The following CHCHD3 variants were observed in gnomAD, a reference collection of about 807,000 sequenced individuals.
The protein encoded by CHCHD3 is coiled-coil-helix-coiled-coil-helix domain containing 3, also known as MICOS complex subunit MIC19.
In CHCHD3, 20 loss-of-function variants were observed where a neutral mutation model predicts 38.2. The observed-to-expected ratio is 0.52, with a 90% CI of 0.37 to 0.76. CHCHD3 has a LOEUF of 0.76. CHCHD3 is among the 30% of genes least tolerant of loss of function. CHCHD3 has a pLI of 0.00. For synonymous variants in CHCHD3, 82 were observed against 100.0 expected (o/e 0.82, Z 1.07); for missense variants, 245 against 279.2 (o/e 0.88, Z 0.87).
intron 4 of CHCHD3, among the ~76,000 whole-genome samples, chr7:132,930,389 A>T (rs527968464): frequency 1.2e-3 from 177 of 151,940 alleles, no homozygotes; most frequent in African/African-American, 3.9e-3. Flanking sequence ...GACTGGTCTC[A>T]AACTCCTGAC....
intron 5 of CHCHD3, among the ~76,000 whole-genome samples, chr7:132,841,013 G>A (rs1426803182): frequency 6.6e-6 from 1 of 151,994 alleles, no homozygotes; most frequent in East Asian, 1.9e-4. Context: ...CTTTATGTAT[G>A]CTCCATACTT....
intron 2 of CHCHD3, among the ~76,000 whole-genome samples, chr7:133,054,570 T>C (rs1814257496): frequency 2.0e-5 from 3 of 152,236 alleles, no homozygotes; most frequent in South Asian, 2.1e-4. Context: ...AAAAGCTTTA[T>C]TGACACAAAA....
intron 5 of CHCHD3, among the ~76,000 whole-genome samples, chr7:132,875,705 T>C (rs1808880030): frequency 6.6e-6 from 1 of 152,208 alleles, no homozygotes; most frequent in Admixed American, 6.5e-5. Context: ...TGGCTCACTG[T>C]AGGAGATTAA....
chr7:133,056,189 C>T (rs749398552), intron 2 of CHCHD3, among the ~76,000 whole-genome samples: 2 of 151,998 alleles, frequency 1.3e-5, no homozygotes, highest in Non-Finnish European at 2.9e-5. Context: ...ACTATAGAAG[C>T]AAATCCCCAC....
chr7:133,042,643 G>A (rs963063236), intron 2 of CHCHD3, among the ~76,000 whole-genome samples: 11 of 152,054 alleles, frequency 7.2e-5, no homozygotes, highest in African/African-American at 2.2e-4. Flanking sequence ...TGCAGAAACC[G>A]GGAAGATGTT....
intron 4 of CHCHD3, among the ~76,000 whole-genome samples, chr7:132,959,029 T>G (rs1811247129): frequency 6.6e-6 from 1 of 152,202 alleles, no homozygotes; most frequent in Non-Finnish European, 1.5e-5. Context: ...CCAGCACACT[T>G]GCCCTTAATT....
rs571009566 is a variant in CHCHD3, at chr7:133,035,857, C to T, written c.170-11230G>A. 1,476 of 1,613,184 alleles carry T rather than the reference C, an allele frequency of 9.1e-4. 5 individuals carry two copies. In the Middle Eastern group the frequency reaches 0.012, roughly 13 times the overall value. On this transcript the variant is annotated intron_variant, in intron 2 of 7. Transcript: ENST00000262570. The surrounding 1 kb of genome is among the most constrained non-coding windows in gnomAD (Gnocchi z 4.7). ...CGGATCTGAGCCCCGCTGTACTGAG[C>T]AGCGATGAGAGCCTTGAAGGCCCTC...
At chr7:132,962,127 T>C (rs1811334690) in intron 4 of CHCHD3, among the ~76,000 whole-genome samples, 1 of 152,198 alleles carries the variant, frequency 6.6e-6, no homozygotes, top group African/African-American at 2.4e-5. Flanking sequence ...AAACCACTTT[T>C]ACTAATCAGA....
chr7:132,958,866 G>A (rs981322964), intron 4 of CHCHD3, among the ~76,000 whole-genome samples: 1 of 152,176 alleles, frequency 6.6e-6, no homozygotes, highest in Non-Finnish European at 1.5e-5. Context: ...ACAGTGACAA[G>A]GTAGCAAAAT....
At chr7:132,786,682 C>A (rs187214974) in intron 7 of CHCHD3, among the ~76,000 whole-genome samples, 3 of 152,264 alleles carry the variant, frequency 2.0e-5, no homozygotes, top group East Asian at 3.9e-4. Flanking sequence ...ACCCTTCCAG[C>A]CATCTCTTCA....
chr7:132,872,635 A>C (rs1808794270), intron 5 of CHCHD3, among the ~76,000 whole-genome samples: 1 of 152,230 alleles, frequency 6.6e-6, no homozygotes, highest in East Asian at 1.9e-4. Context: ...CCTGTAATAA[A>C]GCTGGTTCAA....
chr7:133,049,200 T>C (rs1447219015), intron 2 of CHCHD3, among the ~76,000 whole-genome samples: 1 of 152,190 alleles, frequency 6.6e-6, no homozygotes, highest in Non-Finnish European at 1.5e-5. Context: ...ATGATGCCTT[T>C]ACCCCTAAAT....
intron 1 of CHCHD3, 71 bp from the exon 2 acceptor site, chr7:133,070,300 A>G: frequency 7.9e-7 from 1 of 1,261,902 alleles, no homozygotes; most frequent in Non-Finnish European, 1.1e-6. Context: ...ATAACATCCA[A>G]GTAATTTAGT....
chr7:132,822,499 C>T (rs926759404), intron 6 of CHCHD3, among the ~76,000 whole-genome samples: 2 of 151,508 alleles, frequency 1.3e-5, no homozygotes, highest in African/African-American at 4.9e-5. Flanking sequence ...GTTAAATAAC[C>T]TGGGCCCTGA....
rs4731899 is a variant in CHCHD3 at position 132,821,237 on chromosome 7, A to C, written c.524+17162T>G. ...AGTAATTATTAATAGCTCACTATTC[A>C]CTGCTTAGGATATGCTAAAAACATA... On this transcript the variant is annotated intron_variant, in intron 6 of 7. Coordinates refer to ENST00000262570, the MANE Select transcript of CHCHD3 (RefSeq NM_017812.4). 6.0e-4 allele frequency among the ~76,000 whole-genome samples: 92 copies of C among 152,334 alleles called. 4 individuals are homozygous for C. The highest frequency in any genetic ancestry group is 3.9e-3 in the Admixed American group (59 of 15,302).
At position 133,035,446 on chromosome 7, in the gene CHCHD3, A is replaced by C; in HGVS notation, c.170-10819T>G. On this transcript the variant is annotated intron_variant, in intron 2 of 7. Transcript: ENST00000262570. The surrounding 1 kb of genome is among the most constrained non-coding windows in gnomAD (Gnocchi z 4.7). Reference sequence around the variant, plus strand: ...GTGCAGACAACTGTGATGTCAGCCAATGTCACTCGTTCGCCCACCAGAAAA... The same window carrying C: ...GTGCAGACAACTGTGATGTCAGCCACTGTCACTCGTTCGCCCACCAGAAAA... 4 of 1,613,488 alleles carry C rather than the reference A, an allele frequency of 2.5e-6. No individual in the cohort carries two copies. In the South Asian group the frequency reaches 3.3e-5, roughly 13 times the overall value.
At chr7:132,870,208 G>T (rs868252489) in intron 5 of CHCHD3, among the ~76,000 whole-genome samples, 3 of 152,000 alleles carry the variant, frequency 2.0e-5, no homozygotes, top group African/African-American at 2.4e-5. Flanking sequence ...AAATTAGCCC[G>T]GTGTGATGGC....
rs1369957772 is a variant in CHCHD3, at chr7:133,049,246, GT to G, written c.169+20895del. ...AATTTCCAAAACACAAGGACAATCT[GT>G]TATATAACTACAGCACCATGATCAA... is the stretch of plus-strand genomic sequence containing the variant. On this transcript the variant is annotated intron_variant, in intron 2 of 7. Coordinates refer to ENST00000262570, the MANE Select transcript of CHCHD3 (RefSeq NM_017812.4). Among the ~76,000 whole-genome samples the G allele has an allele frequency of 5.3e-5, 8 of 152,088 alleles. 1 individual carries two copies. The highest frequency in any genetic ancestry group is 1.9e-4 in the African/African-American group (8 of 41,414).
intron 4 of CHCHD3, among the ~76,000 whole-genome samples, chr7:132,914,378 C>G (rs1242452102): frequency 6.6e-6 from 1 of 152,158 alleles, no homozygotes; most frequent in Non-Finnish European, 1.5e-5. Flanking sequence ...CATCAGTGAT[C>G]TCTACTAATG....
Sources: allele counts gnomAD v4.1 joint callset (sites outside exome capture counted in the v4.1 genomes callset), GRCh38; gene constraint gnomAD v4.1.1; non-coding constraint Gnocchi (gnomAD v3.1); transcripts MANE v1.5; gene names NCBI Gene and HGNC (gene_info 2026-07-23, HGNC 2026-07-21).